The following SYTL2 variants were observed in gnomAD, a reference collection of about 807,000 sequenced individuals.
SYTL2 encodes the protein synaptotagmin like 2.
SYTL2 carries 165 observed loss-of-function variants against 198.7 expected under a neutral mutation model. The ratio of observed to expected loss-of-function variants is 0.83; its 90% CI spans 0.73 to 0.94. The LOEUF (loss-of-function observed/expected upper bound fraction) is 0.94. Ranked by LOEUF, SYTL2 falls within the 40% of genes least tolerant of loss-of-function variation. SYTL2 has a pLI of 0.00. For missense variants in SYTL2, 2,835 were observed against 2,582.8 expected (o/e 1.10, Z -2.12); for synonymous variants, 966 against 917.7 (o/e 1.05, Z -0.95).
chr11:85,701,326 A>G (rs900551657), intron 16 of SYTL2, among the ~76,000 whole-genome samples: 1 of 152,238 alleles, frequency 6.6e-6, no homozygotes, highest in Non-Finnish European at 1.5e-5. Context: ...GTAATTTTAT[A>G]TAACATTTTT....
At chr11:85,807,235 G>A (rs2092970367) in intron 1 of SYTL2, among the ~76,000 whole-genome samples, 1 of 152,188 alleles carries the variant, frequency 6.6e-6, no homozygotes, top group Non-Finnish European at 1.5e-5. Flanking sequence ...ATTGTGATGA[G>A]GATCAATGAG....
chr11:85,833,413 A>C, the SYTL2 span, among the ~76,000 whole-genome samples: 2 of 148,420 alleles, frequency 1.3e-5, no homozygotes, highest in African/African-American at 4.9e-5. Context: ...TATATATCAT[A>C]TATATGTATA....
chr11:85,786,951 T>C (rs1205146819), intron 1 of SYTL2, among the ~76,000 whole-genome samples: 1 of 152,170 alleles, frequency 6.6e-6, no homozygotes, highest in African/African-American at 2.4e-5. Flanking sequence ...TAAAAGTGCT[T>C]TTAATAAATG....
At chr11:85,797,077 G>C (rs909152627) in intron 1 of SYTL2, among the ~76,000 whole-genome samples, 1 of 152,120 alleles carries the variant, frequency 6.6e-6, no homozygotes, top group Non-Finnish European at 1.5e-5. Flanking sequence ...TGTAGTCCTA[G>C]CTACTCAGAA....
intron 2 of SYTL2, among the ~76,000 whole-genome samples, chr11:85,751,571 C>T (rs1350606164): frequency 1.3e-5 from 2 of 152,280 alleles, no homozygotes; most frequent in South Asian, 2.1e-4. Context: ...CAGTAAACAC[C>T]GGTGGGCTGG....
intron 1 of SYTL2, among the ~76,000 whole-genome samples, chr11:85,801,044 G>T (rs2092879453): frequency 6.6e-6 from 1 of 152,140 alleles, no homozygotes. Context: ...TGTGTACCTG[G>T]GTCTGATCCT....
chr11:85,843,665 G>C, the SYTL2 span, among the ~76,000 whole-genome samples: 1 of 152,156 alleles, frequency 6.6e-6, no homozygotes, highest in African/African-American at 2.4e-5. Flanking sequence ...TGGGAAATGT[G>C]ACACAGAAAA....
chr11:85,772,407 T>C (rs2092373428), intron 1 of SYTL2, among the ~76,000 whole-genome samples: 1 of 152,238 alleles, frequency 6.6e-6, no homozygotes, highest in Admixed American at 6.5e-5. Context: ...TCTTAATGAA[T>C]ATCTGACTTG....
chr11:85,724,676 T>G lies in SYTL2; in HGVS notation c.4682A>C (p.Glu1561Ala), dbSNP rs774603149. Reference sequence around the variant, plus strand: ...CTCAAAACCAGCATCAAAAGCACTCTCAGTTATTAACGGAGCCTCGGCCTT... The same window carrying G: ...CTCAAAACCAGCATCAAAAGCACTCGCAGTTATTAACGGAGCCTCGGCCTT... The part of the protein sequence containing the change: ...VEKAEAPLIT[E>A]SAFDAGFEKL... Residue 1561 changes from glutamate (E) to alanine (A), a missense_variant, in exon 8 of 20, where the codon GAG (glutamate) becomes GCG (alanine). Physicochemically the swap from Glu to Ala is moderately radical, Grantham distance 107 (BLOSUM62 -1). Around this residue, in one of 3 missense-constraint regions of SYTL2, gnomAD observed 2,645 missense variants for 2,381.7 expected, o/e 1.11. Transcript: ENST00000359152. 8 of 1,614,052 alleles carry G rather than the reference T, an allele frequency of 5.0e-6. No individual in the cohort carries two copies. The South Asian group carries it at 6.6e-5, about 13-fold the overall frequency.
At chr11:85,718,896 A>G in intron 9 of SYTL2, 53 bp from the exon 10 acceptor site, 2 of 1,599,832 alleles carry the variant, frequency 1.3e-6, no homozygotes, top group Non-Finnish European at 1.7e-6. Flanking sequence ...TGGAGAGAAA[A>G]GAACAATGAG....
the SYTL2 span, among the ~76,000 whole-genome samples, chr11:85,835,849 G>A: frequency 6.6e-6 from 1 of 152,132 alleles, no homozygotes. Flanking sequence ...GTTGCTATTT[G>A]GTAGTAGGGT....
intron 3 of SYTL2, 102 bp from the exon 4 acceptor site, chr11:85,745,874 G>A: frequency 1.6e-6 from 2 of 1,230,044 alleles, no homozygotes; most frequent in South Asian, 3.1e-5. Context: ...CTGAACCTCA[G>A]GCCTTCCCAG....
At chr11:85,783,025 C>A (rs2092585448) in intron 1 of SYTL2, among the ~76,000 whole-genome samples, 1 of 152,216 alleles carries the variant, frequency 6.6e-6, no homozygotes, top group Admixed American at 6.5e-5. Context: ...GCCGCTTCCA[C>A]ATTTTTGGAT....
At chr11:85,753,227 G>A (rs911729039) in intron 2 of SYTL2, among the ~76,000 whole-genome samples, 6 of 152,118 alleles carry the variant, frequency 3.9e-5, no homozygotes, top group Non-Finnish European at 7.4e-5. Flanking sequence ...TTCCTTAAAG[G>A]TGGGTCAGGG....
intron 1 of SYTL2, among the ~76,000 whole-genome samples, chr11:85,807,360 A>C (rs753640606): frequency 2.0e-5 from 3 of 152,252 alleles, no homozygotes; most frequent in Non-Finnish European, 4.4e-5. Context: ...GATTTTATAA[A>C]GACTGATAAT....
At chr11:85,750,387 T>C (rs1342586926) in intron 2 of SYTL2, among the ~76,000 whole-genome samples, 1 of 152,198 alleles carries the variant, frequency 6.6e-6, no homozygotes, top group African/African-American at 2.4e-5. Flanking sequence ...TCCAGCCCGT[T>C]GCTCCTCATC....
chr11:85,702,777 G>A (rs17148344), intron 16 of SYTL2, among the ~76,000 whole-genome samples: 9,234 of 151,832 alleles, frequency 0.061, 898 homozygotes, highest in African/African-American at 0.21. Flanking sequence ...AAAAATGAAC[G>A]GGCATACCAA....
chr11:85,808,000 A>C (rs2092981383), intron 1 of SYTL2, among the ~76,000 whole-genome samples: 1 of 152,176 alleles, frequency 6.6e-6, no homozygotes, highest in Admixed American at 6.5e-5. Context: ...TGCAAAGAAA[A>C]AGATTTGGAA....
In SYTL2 at chr11:85,727,152, TG is replaced by T; in HGVS notation, c.2205del (p.Ser735ArgfsTer3). On this transcript the variant is annotated frameshift_variant, in exon 8 of 20. Transcript: ENST00000359152. LOFTEE classifies it high-confidence loss of function. ...LKDNMNAERK[S>X]KVGNTYILKA... Reference sequence around the variant, plus strand: ...TTCAGGATATAGGTATTTCCTACTTTGCTCTTTCTCTCTGCATTCATGTTAT... The same window carrying T: ...TTCAGGATATAGGTATTTCCTACTTTCTCTTTCTCTCTGCATTCATGTTAT... The T allele has an allele frequency of 6.5e-7, 1 of 1,536,458 alleles. No individual in the cohort carries two copies. Among genetic ancestry groups the T allele is most frequent in the Middle Eastern group, 1.7e-4 (1 of 5,994 alleles).
Sources: allele counts gnomAD v4.1 joint callset (sites outside exome capture counted in the v4.1 genomes callset), GRCh38; gene constraint gnomAD v4.1.1; regional missense constraint gnomAD v4.1.1; transcripts MANE v1.5; gene names NCBI Gene and HGNC (gene_info 2026-07-23, HGNC 2026-07-21).